The following TNFSF4 variants were observed in gnomAD, a reference collection of about 807,000 sequenced individuals.
The protein encoded by TNFSF4 is TNF superfamily member 4.
In TNFSF4, 4 loss-of-function variants were observed where a neutral mutation model predicts 7.3. That is an observed-to-expected ratio of 0.55 (90% CI 0.27 to 1.25). The LOEUF (loss-of-function observed/expected upper bound fraction) is 1.25. TNFSF4 is among the 50% of genes most tolerant of loss of function. TNFSF4 has a pLI of 0.12. For missense variants in TNFSF4, 181 were observed against 208.8 expected, an observed-to-expected ratio of 0.87 and a Z score of 0.82; for synonymous variants, 76 against 83.7, an observed-to-expected ratio of 0.91 and a Z score of 0.50.
the TNFSF4 span, among the ~76,000 whole-genome samples, chr1:173,372,691 T>C: frequency 6.6e-6 from 1 of 152,200 alleles, no homozygotes; most frequent in Non-Finnish European, 1.5e-5. Context: ...AGAGGAAATT[T>C]ATGGCTATCA....
chr1:173,367,970 T>C, the TNFSF4 span, among the ~76,000 whole-genome samples: 3 of 152,136 alleles, frequency 2.0e-5, no homozygotes, highest in African/African-American at 4.8e-5. Context: ...GTAGCTAGGA[T>C]TGTAAAATGG....
the TNFSF4 span, among the ~76,000 whole-genome samples, chr1:173,376,603 G>A: frequency 1.3e-5 from 2 of 152,146 alleles, no homozygotes; most frequent in Non-Finnish European, 2.9e-5. Flanking sequence ...ACCAATCAGT[G>A]TTCTATGTCT....
chr1:173,381,848 C>T, the TNFSF4 span, among the ~76,000 whole-genome samples: 1 of 152,198 alleles, frequency 6.6e-6, no homozygotes, highest in Non-Finnish European at 1.5e-5. Flanking sequence ...AATCAGCGCT[C>T]TGTGTCTAGC....
the TNFSF4 span, among the ~76,000 whole-genome samples, chr1:173,429,545 A>G: frequency 6.6e-6 from 1 of 152,218 alleles, no homozygotes; most frequent in African/African-American, 2.4e-5. Flanking sequence ...ACAAGAGCCC[A>G]AAGAGAAACT....
chr1:173,411,507 A>G, the TNFSF4 span, among the ~76,000 whole-genome samples: 4 of 152,216 alleles, frequency 2.6e-5, no homozygotes, highest in South Asian at 4.1e-4. Flanking sequence ...TATTTGATCA[A>G]GAAATAGTTA....
At chr1:173,251,810 G>A in the TNFSF4 span, among the ~76,000 whole-genome samples, 1,216 of 152,262 alleles carry the variant, frequency 8.0e-3, 13 homozygotes, top group Non-Finnish European at 0.012. Flanking sequence ...TTTTTACAAT[G>A]ACACTACTGT....
the TNFSF4 span, among the ~76,000 whole-genome samples, chr1:173,261,746 C>T: frequency 9.1e-4 from 138 of 152,150 alleles, no homozygotes; most frequent in South Asian, 0.011. Flanking sequence ...GGATAAATTC[C>T]TGGACACATA....
the TNFSF4 span, among the ~76,000 whole-genome samples, chr1:173,307,140 A>G: frequency 1.3e-5 from 2 of 151,926 alleles, no homozygotes; most frequent in Non-Finnish European, 2.9e-5. Flanking sequence ...TATTTATTAA[A>G]TCAATTCATT....
the TNFSF4 span, among the ~76,000 whole-genome samples, chr1:173,293,743 T>C: frequency 6.6e-6 from 1 of 152,000 alleles, no homozygotes; most frequent in South Asian, 2.1e-4. Context: ...ATATTCAGAA[T>C]CTATAAGGAA....
the TNFSF4 span, among the ~76,000 whole-genome samples, chr1:173,284,916 C>T: frequency 6.6e-6 from 1 of 152,156 alleles, no homozygotes; most frequent in Non-Finnish European, 1.5e-5. Flanking sequence ...GCTAACACAA[C>T]ATTTATTCTG....
chr1:173,272,727 T>C, the TNFSF4 span, among the ~76,000 whole-genome samples: 1 of 152,144 alleles, frequency 6.6e-6, no homozygotes, highest in African/African-American at 2.4e-5. Context: ...CCAAAAATGT[T>C]GCCACGACCT....
chr1:173,189,519 T>C (rs1252966519), intron 1 of TNFSF4, among the ~76,000 whole-genome samples: 1 of 152,204 alleles, frequency 6.6e-6, no homozygotes, highest in Non-Finnish European at 1.5e-5. Flanking sequence ...TAAGTCAGTA[T>C]TCAATTGCTA....
At chr1:173,237,909 C>T in the TNFSF4 span, among the ~76,000 whole-genome samples, 5 of 151,948 alleles carry the variant, frequency 3.3e-5, no homozygotes, top group Non-Finnish European at 5.9e-5. Flanking sequence ...AAAAACTATC[C>T]TAAAATTCAT....
the TNFSF4 span, among the ~76,000 whole-genome samples, chr1:173,279,711 T>A: frequency 6.6e-6 from 1 of 152,114 alleles, no homozygotes; most frequent in Non-Finnish European, 1.5e-5. Context: ...AACTTAACCA[T>A]GAATCTAGAT....
At position 173,198,867 on chromosome 1, in the gene TNFSF4, G is replaced by A. The variant is rs985297896; in HGVS notation, c.153+8157C>T. On this transcript the variant is annotated intron_variant, in intron 1 of 2. Transcript: ENST00000281834. ...TGCTCTGATACAAACTGAGACTGGCGAATGGTAACATCATCACAGAATAGC... is the reference window on the plus strand; with the variant it reads ...TGCTCTGATACAAACTGAGACTGGCAAATGGTAACATCATCACAGAATAGC... Among the ~76,000 whole-genome samples, 44 of 152,186 alleles carry A rather than the reference G, an allele frequency of 2.9e-4. 1 individual carries two copies. The highest frequency in any genetic ancestry group is 2.1e-4 in the Non-Finnish European group (14 of 68,044).
chr1:173,223,013 C>G, the TNFSF4 span, among the ~76,000 whole-genome samples: 1 of 152,158 alleles, frequency 6.6e-6, no homozygotes, highest in African/African-American at 2.4e-5. Flanking sequence ...GGGAGACAGT[C>G]TAATGTAATG....
the TNFSF4 span, among the ~76,000 whole-genome samples, chr1:173,393,233 C>T: frequency 6.6e-6 from 1 of 152,218 alleles, no homozygotes; most frequent in Non-Finnish European, 1.5e-5. Flanking sequence ...CTCATTCTGC[C>T]TTCTATGTGT....
chr1:173,209,199 CT>C (rs1650297899), upstream of TNFSF4, among the ~76,000 whole-genome samples: 1 of 152,132 alleles, frequency 6.6e-6, no homozygotes, highest in South Asian at 2.1e-4. Context: ...TTAATTGTCT[CT>C]TTTTTTATTG....
chr1:173,231,367 C>A, the TNFSF4 span, among the ~76,000 whole-genome samples: 1 of 152,154 alleles, frequency 6.6e-6, no homozygotes, highest in Non-Finnish European at 1.5e-5. Flanking sequence ...TCAATAGATG[C>A]AGAAAAGGCC....
Sources: gnomAD v4.1 joint callset for allele counts (sites outside exome capture counted in the v4.1 genomes callset) on GRCh38, gnomAD v4.1.1 for gene constraint, MANE v1.5 for transcripts, NCBI Gene and HGNC (gene_info 2026-07-23, HGNC 2026-07-21) for gene names.